The following DLEC1 variants were observed in gnomAD, a reference collection of about 807,000 sequenced individuals.
The protein encoded by DLEC1 is DLEC1 cilia and flagella associated protein.
DLEC1 carries 146 observed loss-of-function variants against 198.1 expected under a neutral mutation model. That is an observed-to-expected ratio of 0.74 (90% CI 0.64 to 0.85). The LOEUF is 0.85. Among genes scored for constraint, DLEC1 ranks in the 40% least tolerant of loss-of-function variants. DLEC1 has a pLI of 0.00. For synonymous variants in DLEC1, 897 were observed against 866.8 expected (o/e 1.03, Z -0.61); for missense variants, 2,233 against 2,220.0 (o/e 1.01, Z -0.12).
intron 33 of DLEC1, among the ~76,000 whole-genome samples, chr3:38,119,740 C>T (rs1241598591): frequency 6.6e-6 from 1 of 152,054 alleles, no homozygotes; most frequent in East Asian, 1.9e-4. Flanking sequence ...CATTATATTG[C>T]CCAGGCTGGT....
At chr3:38,111,568 C>T in intron 23 of DLEC1, 109 bp from the exon 24 acceptor site, 4 of 1,200,314 alleles carry the variant, frequency 3.3e-6, no homozygotes, top group South Asian at 1.5e-5. Flanking sequence ...GGCAGGGCCA[C>T]CTTCCTCTGC....
chr3:38,058,790 C>T (rs1390093809), intron 2 of DLEC1, among the ~76,000 whole-genome samples: 1 of 151,742 alleles, frequency 6.6e-6, no homozygotes, highest in Non-Finnish European at 1.5e-5. Context: ...TAGTGGGGGA[C>T]GTTGATAATG....
intron 2 of DLEC1, among the ~76,000 whole-genome samples, chr3:38,046,418 G>A (rs1312794432): frequency 6.6e-6 from 1 of 152,134 alleles, no homozygotes; most frequent in East Asian, 1.9e-4. Context: ...AGTCTGATGA[G>A]ATCTGATGGT....
At chr3:38,065,209 A>G (rs558481045) in intron 6 of DLEC1, among the ~76,000 whole-genome samples, 1,963 of 152,354 alleles carry the variant, frequency 0.013, 37 homozygotes, top group African/African-American at 0.043. Context: ...GTGGCGGCGC[A>G]CGCCTGCAAT....
intron 3 of DLEC1, among the ~76,000 whole-genome samples, chr3:38,060,709 T>C (rs533201776): frequency 9.9e-5 from 15 of 152,016 alleles, no homozygotes; most frequent in African/African-American, 3.6e-4. Flanking sequence ...TTTTTTTTTT[T>C]TTGAGGCAGA....
chr3:38,101,066 T>C (rs953201603), intron 19 of DLEC1, among the ~76,000 whole-genome samples: 1 of 152,150 alleles, frequency 6.6e-6, no homozygotes, highest in Non-Finnish European at 1.5e-5. Context: ...ACATACTCTT[T>C]CCTCCCTTCA....
rs200286972 is a variant in DLEC1 at position 38,082,533 on chromosome 3, G to A, written c.1174-1625G>A. ...AAAAGTGGGAAAGGGGTCAGGGCACGGAAATAAGGGATTGGGGCACAGAGA... is the reference window on the plus strand; with the variant it reads ...AAAAGTGGGAAAGGGGTCAGGGCACAGAAATAAGGGATTGGGGCACAGAGA... On this transcript the variant is annotated intron_variant, in intron 6 of 36. Transcript: ENST00000308059. 3.0e-4 allele frequency among the ~76,000 whole-genome samples: 46 copies of A among 152,286 alleles called. No homozygotes were observed. The East Asian group carries it at 7.9e-3, about 26-fold the overall frequency.
At chr3:38,079,711 C>T (rs1697857231) in intron 6 of DLEC1, among the ~76,000 whole-genome samples, 1 of 152,144 alleles carries the variant, frequency 6.6e-6, no homozygotes, top group South Asian at 2.1e-4. Flanking sequence ...CATTCCTTGG[C>T]CTGGTGGTCA....
At chr3:38,102,671 A>G (rs9311180) in intron 19 of DLEC1, among the ~76,000 whole-genome samples, 31,571 of 152,062 alleles carry the variant, frequency 0.21, 4,457 homozygotes, top group African/African-American at 0.4. Context: ...ATTCTAAGGG[A>G]TGAAGTACAT....
At chr3:38,097,478 T>C (rs1280427351) in intron 16 of DLEC1, 29 bp from the exon 17 acceptor site, 7 of 1,612,960 alleles carry the variant, frequency 4.3e-6, no homozygotes, top group Non-Finnish European at 5.9e-6. Flanking sequence ...GCTTCTCCTC[T>C]CCACCTCTCC....
intron 19 of DLEC1, chr3:38,103,813 C>A (rs568879672): frequency 6.6e-6 from 1 of 152,182 alleles, no homozygotes; most frequent in African/African-American, 2.4e-5. Flanking sequence ...GGGAGAGAGA[C>A]GGAAATGACC....
chr3:38,117,249 CT>C lies in DLEC1; in HGVS notation c.4350del (p.Phe1450LeufsTer6), dbSNP rs1479706399. On this transcript the variant is annotated frameshift_variant, in exon 31 of 37. Coordinates refer to ENST00000308059, the MANE Select transcript of DLEC1 (RefSeq NM_007335.4). LOFTEE classifies it high-confidence loss of function. ...CAGGGAAGAGGCATCGCCTGCAGGA[CT>C]TTGCGGTGGGACCCCTGAAACTGGA... is the stretch of plus-strand genomic sequence containing the variant. Reference protein sequence around the residue: ...IPGKRHRLQDFAVGPLKLDLH... With the variant: ...IPGKRHRLQDXAVGPLKLDLH... The C allele has an allele frequency of 1.2e-6, 2 of 1,614,152 alleles. No homozygotes were observed. Among genetic ancestry groups the C allele is most frequent in the Non-Finnish European group, 1.7e-6 (2 of 1,179,988 alleles).
chr3:38,095,221 A>G lies in DLEC1; in HGVS notation c.2112+150A>G, dbSNP rs777072991. ...GCACTTGGCTGAGTTGGGTTGGAGT[A>G]CACACCTGGTGTGCAGGGTGAAGCA... On this transcript the variant is annotated intron_variant, in intron 13 of 36. Coordinates refer to ENST00000308059, the MANE Select transcript of DLEC1 (RefSeq NM_007335.4). 176 of 889,754 alleles carry G rather than the reference A, an allele frequency of 2.0e-4. 1 individual carries two copies. Among genetic ancestry groups the G allele is most frequent in the Non-Finnish European group, 2.3e-4 (137 of 585,466 alleles). 55.1% of individuals were successfully genotyped at this position (889,754 alleles called of 1,614,324 possible).
rs769390225 is a variant in DLEC1 at position 38,075,269 on chromosome 3, G to A, written c.1174-8889G>A. The stretch of plus-strand genomic sequence containing the variant: ...AACAAAGTGTGAAAAGTGCCTGGAC[G>A]TAAGGCACCTCAGACCATTTGCCTA... On this transcript the variant is annotated intron_variant, in intron 6 of 36. Coordinates refer to ENST00000308059, the MANE Select transcript of DLEC1 (RefSeq NM_007335.4). 2.2e-4 allele frequency among the ~76,000 whole-genome samples: 33 copies of A among 152,252 alleles called. 1 individual carries two copies. Among genetic ancestry groups the A allele is most frequent in the South Asian group, 4.2e-4 (2 of 4,814 alleles).
chr3:38,053,135 C>T (rs930856752), intron 2 of DLEC1, among the ~76,000 whole-genome samples: 13 of 152,222 alleles, frequency 8.5e-5, no homozygotes, highest in East Asian at 7.7e-4. Context: ...GATCTCGGCT[C>T]GCTACAACCT....
rs747394789 is a variant in DLEC1, at chr3:38,100,364, G to A, written c.2803G>A (p.Ala935Thr). 9 of 1,614,050 alleles carry A rather than the reference G, an allele frequency of 5.6e-6. No individual in the cohort carries two copies. The highest frequency in any genetic ancestry group is 7.6e-6 in the Non-Finnish European group (9 of 1,179,988). Residue 935 changes from alanine (A) to threonine (T), a missense_variant, in exon 19 of 37, where the codon GCC becomes ACC. By Grantham distance (58) the Ala-to-Thr change is moderately conservative (BLOSUM62 0). Coordinates refer to ENST00000308059, the MANE Select transcript of DLEC1 (RefSeq NM_007335.4). ...GTGCAGGGTGGACATCACCTTGGAG[G>A]CCCTGCACTGCCAGCATCTGGAGAC... ...GECRVDITLE[A>T]LHCQHLETVL...
At position 38,097,286 on chromosome 3, in the gene DLEC1, G is replaced by T; in HGVS notation, c.2434+11G>T. The T allele has an allele frequency of 6.4e-7, 1 of 1,570,172 alleles. No homozygotes were observed. Among genetic ancestry groups the T allele is most frequent in the South Asian group, 1.2e-5 (1 of 85,818 alleles). On this transcript the variant is annotated intron_variant, in intron 16 of 36. Coordinates refer to ENST00000308059, the MANE Select transcript of DLEC1 (RefSeq NM_007335.4). Reference sequence around the variant, plus strand: ...GCACAGGGGTCATAGGTACCTTGGGGACTGCAGGAGGGGTTGTGACCTGCC... The same window carrying T: ...GCACAGGGGTCATAGGTACCTTGGGTACTGCAGGAGGGGTTGTGACCTGCC...
At chr3:38,088,994 C>A (rs1698607659) in intron 10 of DLEC1, among the ~76,000 whole-genome samples, 2 of 152,158 alleles carry the variant, frequency 1.3e-5, no homozygotes, top group East Asian at 3.9e-4. Context: ...GTCCCTGTTG[C>A]AGCACACTGC....
chr3:38,084,683 C>T (rs1464153068), intron 7 of DLEC1, among the ~76,000 whole-genome samples: 2 of 148,316 alleles, frequency 1.3e-5, no homozygotes, highest in Non-Finnish European at 3.0e-5. Flanking sequence ...TGCTGACTCC[C>T]GCCCTGAGTC....
Sources: gnomAD v4.1 joint callset for allele counts (sites outside exome capture counted in the v4.1 genomes callset) on GRCh38, gnomAD v4.1.1 for gene constraint, MANE v1.5 for transcripts, NCBI Gene and HGNC (gene_info 2026-07-23, HGNC 2026-07-21) for gene names.